CHRNA7: variants seen among roughly 807,000 people sequenced by gnomAD.
The protein encoded by CHRNA7 is neuronal acetylcholine receptor subunit alpha-7.
In CHRNA7, 17 loss-of-function variants were observed where a neutral mutation model predicts 48.0. That is an observed-to-expected ratio of 0.35 (90% confidence interval 0.24 to 0.53). The LOEUF (loss-of-function observed/expected upper bound fraction) is 0.53, where lower values mean the gene tolerates loss of function less well. Among genes scored for constraint, CHRNA7 ranks in the 20% least tolerant of loss-of-function variants. CHRNA7 has a pLI of 0.92. For missense variants in CHRNA7, 155 were observed against 577.7 expected (o/e 0.27, Z 7.50); for synonymous variants, 75 against 242.3 (o/e 0.31, Z 6.41).
chr15:32,039,624 C>T lies in CHRNA7; in HGVS notation c.195+8587C>T, dbSNP rs564557313. On this transcript the variant is annotated intron_variant, in intron 2 of 9. Transcript: ENST00000306901. ...AATTTCTTTGTATTCTGATAGCAGG[C>T]AATGTGTAATTTCTATTCTTTTAAA... Among the ~76,000 whole-genome samples the T allele has an allele frequency of 3.3e-5, 5 of 152,198 alleles. 1 individual carries two copies. The South Asian group carries it at 1.0e-3, about 32-fold the overall frequency.
chr15:32,121,867 T>G (rs773352305), intron 4 of CHRNA7, among the ~76,000 whole-genome samples: 3 of 152,048 alleles, frequency 2.0e-5, no homozygotes, highest in Non-Finnish European at 4.4e-5. Context: ...ATGCTTGGAA[T>G]GAAAGGGAGA....
chr15:32,121,501 T>G (rs2141298491), intron 4 of CHRNA7, among the ~76,000 whole-genome samples: 1 of 152,344 alleles, frequency 6.6e-6, no homozygotes, highest in Middle Eastern at 3.4e-3. Context: ...TTCCCAGTCC[T>G]TGACAGGCTC....
At chr15:32,090,595 A>G (rs2050367256) in intron 2 of CHRNA7, among the ~76,000 whole-genome samples, 2 of 152,118 alleles carry the variant, frequency 1.3e-5, no homozygotes, top group African/African-American at 2.4e-5. Flanking sequence ...TCAGTGTGGT[A>G]CTTACCCTGC....
intron 2 of CHRNA7, among the ~76,000 whole-genome samples, chr15:32,078,508 A>G (rs1302194758): frequency 6.6e-6 from 1 of 152,060 alleles, no homozygotes; most frequent in East Asian, 1.9e-4. Flanking sequence ...GCCAACGTGT[A>G]TTAAATTACT....
chr15:32,170,369 A>G lies in CHRNA7; in HGVS notation c.*1911A>G, dbSNP rs1355471568. 2.1e-5 allele frequency: 3 copies of G among 142,292 alleles called. No individual in the cohort carries two copies. The highest frequency in any genetic ancestry group is 7.9e-5 in the African/African-American group (3 of 37,822). The allele number at this position is 142,292 out of a possible 1,614,324, so 8.8% of individuals were successfully genotyped here. On this transcript the variant is annotated 3_prime_UTR_variant, in exon 10 of 10. Transcript: ENST00000306901. ...GCCTCAGGCGGCTTGGAGCAGGATC[A>G]TTCCTCAGCAGGCATTCCTTCCACA... is the stretch of plus-strand genomic sequence containing the variant.
intron 2 of CHRNA7, among the ~76,000 whole-genome samples, chr15:32,056,831 G>C (rs189511306): frequency 6.6e-6 from 1 of 152,178 alleles, no homozygotes; most frequent in Non-Finnish European, 1.5e-5. Context: ...AATATCTTCA[G>C]TATGGATGTT....
intron 2 of CHRNA7, among the ~76,000 whole-genome samples, chr15:32,089,433 C>G (rs1203139969): frequency 1.3e-5 from 2 of 151,858 alleles, no homozygotes; most frequent in African/African-American, 4.8e-5. Flanking sequence ...TTTCTTTTTT[C>G]TTTTGAAACT....
intron 4 of CHRNA7, among the ~76,000 whole-genome samples, chr15:32,116,365 A>G (rs1566851011): frequency 6.6e-6 from 1 of 152,132 alleles, no homozygotes; most frequent in East Asian, 1.9e-4. Context: ...TCATTTGTGG[A>G]ATGGGCTGCT....
chr15:32,065,171 C>T (rs902995335), intron 2 of CHRNA7, among the ~76,000 whole-genome samples: 8 of 152,274 alleles, frequency 5.3e-5, no homozygotes, highest in East Asian at 1.9e-4. Context: ...AGAACAGTGA[C>T]TTTTGTGACA....
intron 2 of CHRNA7, among the ~76,000 whole-genome samples, chr15:32,084,800 C>T (rs1159623665): frequency 6.6e-6 from 1 of 151,690 alleles, no homozygotes; most frequent in Non-Finnish European, 1.5e-5. Context: ...ACGGCCTGCA[C>T]TCATACCTAT....
intron 2 of CHRNA7, among the ~76,000 whole-genome samples, chr15:32,078,248 T>A (rs183210211): frequency 6.6e-6 from 1 of 152,312 alleles, no homozygotes; most frequent in Admixed American, 6.5e-5. Context: ...CTATCAATTC[T>A]TTCTTTCGTA....
rs555011433 is a variant in CHRNA7, at chr15:32,074,773, G to A, written c.196-26530G>A. 4.6e-5 allele frequency among the ~76,000 whole-genome samples: 7 copies of A among 151,834 alleles called. 1 individual carries two copies. In the South Asian group the frequency reaches 1.3e-3, roughly 27 times the overall value. On this transcript the variant is annotated intron_variant, in intron 2 of 9. Transcript: ENST00000306901. ...GGGTTCAAGTGATTCTCAGGCTCCC[G>A]AGTAGTTGGGATTACAGGCATCCGC... is the stretch of plus-strand genomic sequence containing the variant.
At chr15:32,092,189 T>C (rs1039538671) in intron 2 of CHRNA7, among the ~76,000 whole-genome samples, 11 of 152,252 alleles carry the variant, frequency 7.2e-5, no homozygotes, top group Admixed American at 5.9e-4. Context: ...ACTTAATTTT[T>C]TAGCTGTGTC....
intron 4 of CHRNA7, among the ~76,000 whole-genome samples, chr15:32,129,175 G>C (rs2051116141): frequency 1.3e-5 from 2 of 151,722 alleles, no homozygotes; most frequent in Admixed American, 6.6e-5. Flanking sequence ...ATTAAGGGTG[G>C]TTTATGTATA....
At chr15:32,139,169 G>T (rs1045635237) in intron 4 of CHRNA7, among the ~76,000 whole-genome samples, 39 of 152,134 alleles carry the variant, frequency 2.6e-4, no homozygotes, top group Non-Finnish European at 7.3e-5. Flanking sequence ...TGCATTTAAG[G>T]TTCCTCCATG....
At chr15:32,136,266 A>T (rs1020140744) in intron 4 of CHRNA7, among the ~76,000 whole-genome samples, 2 of 152,064 alleles carry the variant, frequency 1.3e-5, no homozygotes, top group African/African-American at 4.8e-5. Context: ...CAAGGCAAGT[A>T]GATCACCTGA....
chr15:32,151,212 T>C (rs566672567), intron 4 of CHRNA7, among the ~76,000 whole-genome samples: 1 of 152,294 alleles, frequency 6.6e-6, no homozygotes, highest in South Asian at 2.1e-4. Context: ...GCTCATTATA[T>C]CTCCTCTTTC....
intron 4 of CHRNA7, among the ~76,000 whole-genome samples, chr15:32,146,703 G>A (rs1316022870): frequency 6.6e-6 from 1 of 152,142 alleles, no homozygotes. Flanking sequence ...GTTGTATCAC[G>A]TTTATGCCTG....
intron 2 of CHRNA7, among the ~76,000 whole-genome samples, chr15:32,035,135 C>G (rs1377342173): frequency 6.6e-6 from 1 of 152,172 alleles, no homozygotes; most frequent in Non-Finnish European, 1.5e-5. Flanking sequence ...ACACTGACTT[C>G]TGGTGATTAT....
Sources: allele counts gnomAD v4.1 joint callset (sites outside exome capture counted in the v4.1 genomes callset), GRCh38; gene constraint gnomAD v4.1.1; transcripts MANE v1.5; gene names NCBI Gene and HGNC (gene_info 2026-07-23, HGNC 2026-07-21).